MYH15: variants seen among roughly 807,000 people sequenced by gnomAD.
The protein encoded by MYH15 is myosin heavy chain 15.
Under a neutral mutation model 240.5 loss-of-function variants are expected in MYH15, and 227 were observed. That is an observed-to-expected ratio of 0.94 (90% CI 0.85 to 1.05). The LOEUF (loss-of-function observed/expected upper bound fraction) is 1.05. Ranked by LOEUF, MYH15 falls within the 50% of genes least tolerant of loss-of-function variation. The pLI, the probability that MYH15 is intolerant of heterozygous loss-of-function variation, is 0.00. For synonymous variants in MYH15, 785 were observed against 796.7 expected (o/e 0.99, Z 0.25); for missense variants, 2,217 against 2,247.5 (o/e 0.99, Z 0.27).
At chr3:108,529,369 A>G (rs1216295240), upstream of MYH15, 23 of 937,344 alleles carry the variant, frequency 2.5e-5, no homozygotes, top group Non-Finnish European at 3.5e-5. Context: ...GGAAGGCAAC[A>G]TTATGTTGAC....
chr3:108,459,344 A>G lies in MYH15; in HGVS notation c.2020+18T>C, dbSNP rs762239531. ...AATCTATTTCCTAGTGTGAATTACA[A>G]AGAAATCTAGTTCTTACCTGGTATT... On this transcript the variant is annotated intron_variant, in intron 18 of 40. Coordinates refer to ENST00000693548, the MANE Select transcript of MYH15 (RefSeq NM_014981.3). 1.3e-6 allele frequency: 2 copies of G among 1,494,454 alleles called. No individual in the cohort carries two copies. Among genetic ancestry groups the G allele is most frequent in the East Asian group, 4.6e-5 (2 of 43,026 alleles). 92.6% of individuals were successfully genotyped at this position (1,494,454 alleles called of 1,614,324 possible). A position where few individuals can be genotyped will look rare whatever the true frequency, so the allele number is the denominator to read the frequency against.
chr3:108,409,702 T>C (rs2082573806), intron 31 of MYH15, among the ~76,000 whole-genome samples: 1 of 152,246 alleles, frequency 6.6e-6, no homozygotes, highest in Non-Finnish European at 1.5e-5. Flanking sequence ...GGCAGCCTCT[T>C]TGAAGGGCTG....
At chr3:108,496,467 G>A (rs2107230084) in intron 6 of MYH15, among the ~76,000 whole-genome samples, 1 of 152,246 alleles carries the variant, frequency 6.6e-6, no homozygotes, top group Non-Finnish European at 1.5e-5. Context: ...TTGTTTTCCA[G>A]TCAGCCTCAA....
chr3:108,452,465 A>T (rs1039158973), intron 21 of MYH15, among the ~76,000 whole-genome samples: 6 of 152,178 alleles, frequency 3.9e-5, no homozygotes, highest in African/African-American at 1.2e-4. Flanking sequence ...ATATATTTAT[A>T]TAATGGAATA....
chr3:108,410,491 A>T, intron 31 of MYH15, 92 bp downstream of exon 31: 1 of 831,242 alleles, frequency 1.2e-6, no homozygotes, highest in South Asian at 2.9e-5. Flanking sequence ...ACATGTTGGG[A>T]ATGTGAAAAT....
At chr3:108,503,080 A>C (rs758370785) in intron 2 of MYH15, among the ~76,000 whole-genome samples, 1 of 152,174 alleles carries the variant, frequency 6.6e-6, no homozygotes, top group Admixed American at 6.5e-5. Context: ...CACTTCTAAC[A>C]TGAGGAAGAG....
chr3:108,433,212 C>T (rs1053095780), intron 25 of MYH15, among the ~76,000 whole-genome samples: 5 of 152,208 alleles, frequency 3.3e-5, no homozygotes, highest in Non-Finnish European at 5.9e-5. Flanking sequence ...GATTTGACTG[C>T]TCTGCTGGAT....
At chr3:108,514,649 T>C (rs1326711946), upstream of MYH15, among the ~76,000 whole-genome samples, 1 of 151,836 alleles carries the variant, frequency 6.6e-6, no homozygotes. Flanking sequence ...GGGGTGGAGC[T>C]GGTCATATGG....
chr3:108,395,141 C>T (rs2082450193), intron 35 of MYH15, among the ~76,000 whole-genome samples: 1 of 152,146 alleles, frequency 6.6e-6, no homozygotes, highest in Non-Finnish European at 1.5e-5. Context: ...TGGTGGCATA[C>T]AGCTGTGGTC....
intron 1 of MYH15, among the ~76,000 whole-genome samples, chr3:108,509,390 C>A (rs1437422841): frequency 6.6e-6 from 1 of 152,060 alleles, no homozygotes; most frequent in East Asian, 1.9e-4. Context: ...TAACTACCTG[C>A]GATAAGCCTC....
At chr3:108,503,260 G>A (rs1477516955) in intron 2 of MYH15, among the ~76,000 whole-genome samples, 1 of 152,172 alleles carries the variant, frequency 6.6e-6, no homozygotes, top group Non-Finnish European at 1.5e-5. Context: ...CACCTTAAGT[G>A]CTGTTGAAGG....
At chr3:108,519,734 C>T (rs2083602843) in intron 1 of MYH15, among the ~76,000 whole-genome samples, 1 of 152,084 alleles carries the variant, frequency 6.6e-6, no homozygotes, top group Non-Finnish European at 1.5e-5. Flanking sequence ...GGTCAGTGAC[C>T]CACGATCTGC....
At chr3:108,488,320 T>C (rs545731127) in intron 9 of MYH15, among the ~76,000 whole-genome samples, 25 of 152,278 alleles carry the variant, frequency 1.6e-4, no homozygotes, top group African/African-American at 6.0e-4. Context: ...TCTTTCCTTT[T>C]CTTTTGAGGC....
intron 1 of MYH15, among the ~76,000 whole-genome samples, chr3:108,516,629 C>T (rs1576279405): frequency 6.6e-6 from 1 of 152,138 alleles, no homozygotes; most frequent in Admixed American, 6.5e-5. Context: ...TGTGCCTTAA[C>T]TGAGCAAGGT....
rs201070201 is a variant in MYH15 at position 108,444,874 on chromosome 3, T to C, written c.2421A>G (p.Gln807=). 99 of 1,612,646 alleles carry C rather than the reference T, an allele frequency of 6.1e-5. No homozygotes were observed. The Admixed American group carries it at 9.9e-4, about 16-fold the overall frequency. Residue 807 remains glutamine (Q), a synonymous_variant, in exon 22 of 41, where the codon CAA becomes CAG. Coordinates refer to ENST00000693548, the MANE Select transcript of MYH15 (RefSeq NM_014981.3). ...CAGCCATGAAAGCTCTTATGTTCCA[T>C]TGGATCAAAATAAGTGCATCCCTAA... ...LEERDALILI[Q]WNIRAFMAVK... is the part of the protein sequence containing the mutation.
chr3:108,393,343 A>C (rs1348443066), intron 36 of MYH15, among the ~76,000 whole-genome samples: 1 of 151,628 alleles, frequency 6.6e-6, no homozygotes, highest in Non-Finnish European at 1.5e-5. Context: ...CCACACACAA[A>C]CCTCCCCCTC....
chr3:108,462,954 C>A (rs2083083551), intron 16 of MYH15, among the ~76,000 whole-genome samples, 157 bp downstream of exon 16: 3 of 151,992 alleles, frequency 2.0e-5, no homozygotes, highest in Admixed American at 1.3e-4. Flanking sequence ...CCTGAAGAAC[C>A]CCCAGCCTGA....
chr3:108,479,966 A>G (rs2083253797), intron 11 of MYH15, among the ~76,000 whole-genome samples: 1 of 152,210 alleles, frequency 6.6e-6, no homozygotes, highest in South Asian at 2.1e-4. Context: ...TATTAAACAA[A>G]GTTAACTGAG....
chr3:108,399,812 A>T (rs1055667548), intron 33 of MYH15, among the ~76,000 whole-genome samples: 24 of 152,342 alleles, frequency 1.6e-4, no homozygotes, highest in African/African-American at 5.8e-4. Flanking sequence ...GGAGTTTGAG[A>T]GTACACCCAA....
Sources: allele counts gnomAD v4.1 joint callset (sites outside exome capture counted in the v4.1 genomes callset), GRCh38; gene constraint gnomAD v4.1.1; transcripts MANE v1.5; gene names NCBI Gene and HGNC (gene_info 2026-07-23, HGNC 2026-07-21).